Variants in DNAJC6 observed in about 807,000 individuals in gnomAD.
The protein encoded by DNAJC6 is auxilin.
DNAJC6 carries 34 observed loss-of-function variants against 110.0 expected under a neutral mutation model. The ratio of observed to expected loss-of-function variants is 0.31; its 90% CI spans 0.24 to 0.41. The LOEUF is 0.41. DNAJC6 is among the 10% of genes least tolerant of loss of function. The pLI is 1.00. For missense variants in DNAJC6, 1,031 were observed against 1,207.8 expected, an observed-to-expected ratio of 0.85 and a Z score of 2.17; for synonymous variants, 406 against 437.2, an observed-to-expected ratio of 0.93 and a Z score of 0.89.
intron 1 of DNAJC6, among the ~76,000 whole-genome samples, chr1:65,322,197 G>T (rs1645203176): frequency 6.6e-6 from 1 of 152,140 alleles, no homozygotes; most frequent in Non-Finnish European, 1.5e-5. Context: ...TGAAAGCCAG[G>T]CCTCTTGGCT....
chr1:65,364,085 C>T (rs190093267), intron 1 of DNAJC6, among the ~76,000 whole-genome samples: 165 of 152,256 alleles, frequency 1.1e-3, no homozygotes, highest in African/African-American at 3.9e-3. Flanking sequence ...AGCAGTCTCT[C>T]TGGAGCAGCA....
chr1:65,403,327 C>G (rs1405217230), intron 15 of DNAJC6, among the ~76,000 whole-genome samples: 5 of 152,164 alleles, frequency 3.3e-5, no homozygotes, highest in Non-Finnish European at 7.3e-5. Flanking sequence ...GCTTTCAACA[C>G]CAAGAAGTCT....
At chr1:65,401,699 T>G (rs1646031257) in intron 14 of DNAJC6, 62 bp from the exon 15 acceptor site, 1 of 1,575,746 alleles carries the variant, frequency 6.3e-7, no homozygotes, top group African/African-American at 1.4e-5. Context: ...TCTGGAATTC[T>G]GAATTTCACA....
At chr1:65,351,343 T>C (rs1404605335) in intron 1 of DNAJC6, among the ~76,000 whole-genome samples, 3 of 152,138 alleles carry the variant, frequency 2.0e-5, no homozygotes, top group Non-Finnish European at 4.4e-5. Context: ...ATTATCATGG[T>C]TGGAAGTGGA....
chr1:65,382,079 A>G (rs932588499), intron 5 of DNAJC6, among the ~76,000 whole-genome samples: 2 of 152,208 alleles, frequency 1.3e-5, no homozygotes. Flanking sequence ...TGATCCTGGA[A>G]AGTTGTAGGC....
intron 1 of DNAJC6, among the ~76,000 whole-genome samples, chr1:65,339,005 A>G (rs1645363612): frequency 6.6e-6 from 1 of 151,998 alleles, no homozygotes; most frequent in Non-Finnish European, 1.5e-5. Context: ...TATCCTTCCC[A>G]TATGGTCTTA....
chr1:65,283,322 C>T (rs1446002274), intron 1 of DNAJC6, among the ~76,000 whole-genome samples: 1 of 152,152 alleles, frequency 6.6e-6, no homozygotes, highest in Admixed American at 6.5e-5. Flanking sequence ...CGGTCCTTAA[C>T]CCTTGGAAAT....
chr1:65,328,621 G>A (rs747091350), intron 1 of DNAJC6, among the ~76,000 whole-genome samples: 3 of 152,104 alleles, frequency 2.0e-5, no homozygotes, highest in Non-Finnish European at 4.4e-5. Flanking sequence ...ACACCATAAG[G>A]AACCCCCATG....
chr1:65,387,082 C>T (rs961515992), intron 8 of DNAJC6, among the ~76,000 whole-genome samples, 153 bp downstream of exon 8: 9 of 152,172 alleles, frequency 5.9e-5, no homozygotes, highest in Non-Finnish European at 8.8e-5. Context: ...CCTCCTTCAT[C>T]TTACAGGGGA....
At chr1:65,315,919 G>A (rs1170356605) in intron 1 of DNAJC6, among the ~76,000 whole-genome samples, 2 of 152,090 alleles carry the variant, frequency 1.3e-5, no homozygotes, top group Non-Finnish European at 2.9e-5. Context: ...GAACCAAAAT[G>A]AGTTCAGTTG....
At chr1:65,284,294 A>T (rs1452787241) in intron 1 of DNAJC6, among the ~76,000 whole-genome samples, 1 of 152,058 alleles carries the variant, frequency 6.6e-6, no homozygotes, top group Non-Finnish European at 1.5e-5. Context: ...GCCCCTCAGC[A>T]TCTCCTTTCT....
At chr1:65,386,259 C>T (rs1013330068) in intron 7 of DNAJC6, among the ~76,000 whole-genome samples, 1 of 152,090 alleles carries the variant, frequency 6.6e-6, no homozygotes, top group Non-Finnish European at 1.5e-5. Context: ...AAGTGAGCAA[C>T]TAGGTAGACG....
intron 1 of DNAJC6, 21 bp from the exon 2 acceptor site, chr1:65,364,614 G>GTTTTTTTTTTT: frequency 7.0e-7 from 1 of 1,424,456 alleles, no homozygotes; most frequent in Non-Finnish European, 9.3e-7. Flanking sequence ...TTGTTTGTTT[G>GTTTTTTTTTTT]TTTTTTTTTT....
chr1:65,291,331 C>A (rs1407088788), intron 1 of DNAJC6, among the ~76,000 whole-genome samples: 1 of 152,088 alleles, frequency 6.6e-6, no homozygotes, highest in Non-Finnish European at 1.5e-5. Context: ...CCATGCCTAG[C>A]CAAATTATTG....
intron 1 of DNAJC6, among the ~76,000 whole-genome samples, chr1:65,360,821 A>G (rs919770259): frequency 6.6e-6 from 1 of 152,056 alleles, no homozygotes; most frequent in Non-Finnish European, 1.5e-5. Context: ...CTGCCTGCGT[A>G]ATGAGATTGA....
chr1:65,392,403 T>TC (rs751203302), intron 11 of DNAJC6, 28 bp from the exon 12 acceptor site: 1 of 1,532,766 alleles, frequency 6.5e-7, no homozygotes, highest in African/African-American at 1.4e-5. Flanking sequence ...CAGCAACTAA[T>TC]CTCTTATGGT....
chr1:65,383,061 G>A (rs1358784054), intron 5 of DNAJC6, among the ~76,000 whole-genome samples: 6 of 152,130 alleles, frequency 3.9e-5, no homozygotes, highest in Non-Finnish European at 7.4e-5. Flanking sequence ...AAGCTATGGA[G>A]GAATGAAAGT....
intron 4 of DNAJC6, among the ~76,000 whole-genome samples, chr1:65,374,150 T>C (rs1036351195): frequency 3.9e-5 from 6 of 152,202 alleles, no homozygotes; most frequent in Admixed American, 1.3e-4. Context: ...GTGCCTGTTT[T>C]TATGCCAGTA....
At chr1:65,387,366 A>G (rs1488869061) in intron 8 of DNAJC6, among the ~76,000 whole-genome samples, 1 of 152,178 alleles carries the variant, frequency 6.6e-6, no homozygotes, top group African/African-American at 2.4e-5. Context: ...TTTTTAGTCT[A>G]TTCAAAAGGT....
Sources: gnomAD v4.1 joint callset for allele counts (sites outside exome capture counted in the v4.1 genomes callset) on GRCh38, gnomAD v4.1.1 for gene constraint, MANE v1.5 for transcripts, NCBI Gene and HGNC (gene_info 2026-07-23, HGNC 2026-07-21) for gene names.